Variants in SGCD observed in about 807,000 individuals in gnomAD.
SGCD encodes delta-sarcoglycan.
SGCD carries 18 observed loss-of-function variants against 36.6 expected under a neutral mutation model. The ratio of observed to expected loss-of-function variants is 0.49; its 90% confidence interval spans 0.34 to 0.73. SGCD has a LOEUF of 0.73. SGCD is among the 30% of genes least tolerant of loss of function. The probability of loss-of-function intolerance (pLI) is 0.01; values close to 1 mark genes in which losing one functional copy is unlikely to be tolerated. For synonymous variants in SGCD, 133 were observed against 130.6 expected, an observed-to-expected ratio of 1.02 and a Z score of -0.12; for missense variants, 387 against 346.7, an observed-to-expected ratio of 1.12 and a Z score of -0.92.
At chr5:156,260,406 T>A (rs1261577023) in intron 3 of SGCD, among the ~76,000 whole-genome samples, 1 of 152,180 alleles carries the variant, frequency 6.6e-6, no homozygotes, top group Non-Finnish European at 1.5e-5. Flanking sequence ...TAGGTCTTAC[T>A]AATTTTACTA....
chr5:156,605,915 G>A (rs554974903), intron 6 of SGCD, among the ~76,000 whole-genome samples: 2 of 152,208 alleles, frequency 1.3e-5, no homozygotes, highest in African/African-American at 2.4e-5. Context: ...TCGTAAATTT[G>A]TTGGAGTTCA....
At chr5:156,204,226 A>C (rs1764215328) in intron 3 of SGCD, among the ~76,000 whole-genome samples, 2 of 152,006 alleles carry the variant, frequency 1.3e-5, no homozygotes, top group South Asian at 4.1e-4. Context: ...AGAGTGAGGA[A>C]ATTTTCTCCC....
At chr5:155,904,876 C>T (rs367668716) in intron 1 of SGCD, among the ~76,000 whole-genome samples, 2 of 152,180 alleles carry the variant, frequency 1.3e-5, no homozygotes, top group African/African-American at 4.8e-5. Flanking sequence ...AGAACATTTA[C>T]TCACAAGTTA....
chr5:156,349,889 T>TA (rs1418086078), intron 3 of SGCD, among the ~76,000 whole-genome samples: 2 of 151,978 alleles, frequency 1.3e-5, no homozygotes, highest in African/African-American at 4.8e-5. Context: ...GTGATATACA[T>TA]ACACCATCAG....
At chr5:156,754,951 A>G (rs1757282144) in intron 7 of SGCD, among the ~76,000 whole-genome samples, 1 of 152,244 alleles carries the variant, frequency 6.6e-6, no homozygotes, top group African/African-American at 2.4e-5. Context: ...TTCAAAACTT[A>G]TTTCGGGAAG....
At chr5:156,744,387 C>T (rs781302081) in intron 7 of SGCD, among the ~76,000 whole-genome samples, 11 of 152,152 alleles carry the variant, frequency 7.2e-5, no homozygotes, top group Non-Finnish European at 1.2e-4. Flanking sequence ...GGGCAGCAGC[C>T]GAGACTTTAG....
intron 3 of SGCD, among the ~76,000 whole-genome samples, chr5:156,374,312 A>G (rs1770544548): frequency 1.3e-5 from 2 of 152,202 alleles, no homozygotes; most frequent in African/African-American, 4.8e-5. Flanking sequence ...GATCACAATA[A>G]CTAGGGTTTT....
At chr5:156,555,373 A>G (rs1296030695) in intron 4 of SGCD, among the ~76,000 whole-genome samples, 1 of 152,110 alleles carries the variant, frequency 6.6e-6, no homozygotes. Flanking sequence ...TAAATCTTCA[A>G]TCCATTTTGA....
chr5:156,655,146 A>G (rs1459718480), intron 7 of SGCD, among the ~76,000 whole-genome samples: 7 of 152,172 alleles, frequency 4.6e-5, no homozygotes, highest in Non-Finnish European at 8.8e-5. Flanking sequence ...TCAAAAGACC[A>G]CAACTTATTT....
chr5:155,948,474 T>G (rs1452692568), intron 1 of SGCD, among the ~76,000 whole-genome samples: 1 of 152,188 alleles, frequency 6.6e-6, no homozygotes, highest in East Asian at 1.9e-4. Flanking sequence ...GCTTAACAGA[T>G]TTATTCATCC....
intron 3 of SGCD, chr5:156,458,513 A>G: frequency 6.4e-7 from 1 of 1,551,394 alleles, no homozygotes; most frequent in East Asian, 2.2e-5. Context: ...TTAACCTACA[A>G]CAAACCAGAA....
intron 3 of SGCD, among the ~76,000 whole-genome samples, chr5:156,174,183 A>C (rs1763411187): frequency 6.6e-6 from 1 of 152,242 alleles, no homozygotes; most frequent in Admixed American, 6.5e-5. Flanking sequence ...ATGGAAGACA[A>C]CCAAGGAAAA....
intron 7 of SGCD, among the ~76,000 whole-genome samples, chr5:156,752,291 C>CG (rs1207588742): frequency 6.6e-6 from 1 of 152,112 alleles, no homozygotes; most frequent in African/African-American, 2.4e-5. Flanking sequence ...TTGTTACTCC[C>CG]GGGGGGAAGG....
Position 156,519,998 on chromosome 5 carries a change from A to G in SGCD, c.294+11296A>G, listed in dbSNP as rs962594108. Among the ~76,000 whole-genome samples, 5 of 152,292 alleles carry G rather than the reference A, an allele frequency of 3.3e-5. No homozygotes were observed. The East Asian group carries it at 9.7e-4, about 29-fold the overall frequency. ...TCTCACCACTCCTATTCAACATAGTATTGGAAGTTCTGGCCAGGGCAGTCC... is the reference window on the plus strand; with the variant it reads ...TCTCACCACTCCTATTCAACATAGTGTTGGAAGTTCTGGCCAGGGCAGTCC... On this transcript the variant is annotated intron_variant, in intron 4 of 8. Coordinates refer to ENST00000337851, the MANE Select transcript of SGCD (RefSeq NM_000337.6).
the SGCD span, among the ~76,000 whole-genome samples, chr5:155,862,882 C>T: frequency 6.6e-6 from 1 of 152,162 alleles, no homozygotes; most frequent in African/African-American, 2.4e-5. Context: ...TGGTTTCAGC[C>T]ATTTATTAAG....
chr5:156,107,016 A>C (rs1159567205), intron 1 of SGCD, among the ~76,000 whole-genome samples: 1 of 152,028 alleles, frequency 6.6e-6, no homozygotes, highest in East Asian at 1.9e-4. Flanking sequence ...TTGACATTTG[A>C]TCTCTGTGTT....
At chr5:156,690,969 G>T (rs1024098468) in intron 7 of SGCD, among the ~76,000 whole-genome samples, 1 of 152,064 alleles carries the variant, frequency 6.6e-6, no homozygotes, top group Non-Finnish European at 1.5e-5. Flanking sequence ...CACTATGGGA[G>T]TCCAAGGTGG....
chr5:156,476,013 C>G (rs1014479289), intron 3 of SGCD, among the ~76,000 whole-genome samples: 4 of 152,188 alleles, frequency 2.6e-5, no homozygotes, highest in African/African-American at 9.7e-5. Flanking sequence ...TTTGTTTTGA[C>G]TTGCCGTGGC....
rs185264759 is a variant in SGCD, at chr5:155,979,019, C to T, written c.-282+108595C>T. On this transcript the variant is annotated intron_variant, in intron 1 of 9. Coordinates refer to the SGCD transcript ENST00000517913. ...ATTAGCATGTAGCACAGAGTGTCTC[C>T]TTGGGGACTTGTATTTTCTTAGTCA... Among the ~76,000 whole-genome samples the T allele has an allele frequency of 1.1e-4, 16 of 152,256 alleles. No homozygotes were observed. In the East Asian group the frequency reaches 3.1e-3, roughly 29 times the overall value.
Sources: gnomAD v4.1 joint callset for allele counts (sites outside exome capture counted in the v4.1 genomes callset) on GRCh38, gnomAD v4.1.1 for gene constraint, MANE v1.5 for transcripts, NCBI Gene and HGNC (gene_info 2026-07-23, HGNC 2026-07-21) for gene names.